SGSM3: variants seen among roughly 807,000 people sequenced by gnomAD.
SGSM3 encodes RUN and SH3 containing 3.
In SGSM3, 96 loss-of-function variants were observed where a neutral mutation model predicts 100.5. That is an observed-to-expected ratio of 0.96 (90% CI 0.81 to 1.13). The LOEUF (loss-of-function observed/expected upper bound fraction) is 1.13. Ranked by LOEUF, SGSM3 falls within the 50% of genes most tolerant of loss-of-function variation. The pLI, the probability that SGSM3 is intolerant of heterozygous loss-of-function variation, is 0.00. For synonymous variants in SGSM3, 483 were observed against 422.8 expected, an observed-to-expected ratio of 1.14 and a Z score of -1.75; for missense variants, 1,001 against 1,015.8, an observed-to-expected ratio of 0.99 and a Z score of 0.20.
intron 1 of SGSM3, among the ~76,000 whole-genome samples, chr22:40,380,639 A>G (rs1237844902): frequency 2.0e-5 from 3 of 152,142 alleles, no homozygotes; most frequent in East Asian, 3.9e-4. Flanking sequence ...TGCCCAGCCT[A>G]TAACTTTATA....
rs955693202 is a variant in SGSM3 at position 40,407,926 on chromosome 22, A to G, written c.1579+83A>G. ...ACTTGGGTGACCCTGGCCGCCACCA[A>G]GCTGTTCTCCTCTATACACCTGCCT... is the stretch of plus-strand genomic sequence containing the variant. On this transcript the variant is annotated intron_variant, in intron 14 of 21. Transcript: ENST00000248929. The surrounding 1 kb of genome is among the most constrained non-coding windows in gnomAD (Gnocchi z 4.7). 3 of 1,488,366 alleles carry G rather than the reference A, an allele frequency of 2.0e-6. No individual in the cohort carries two copies. Among genetic ancestry groups the G allele is most frequent in the Admixed American group, 3.6e-5 (2 of 55,944 alleles). The allele number at this position is 1,488,366 out of a possible 1,614,324, so 92.2% of individuals were successfully genotyped here.
chr22:40,409,243 TC>T lies in SGSM3; in HGVS notation c.1989-3del. On this transcript the variant is annotated splice_region_variant and splice_polypyrimidine_tract_variant and intron_variant, in intron 19 of 21. Coordinates refer to ENST00000248929, the MANE Select transcript of SGSM3 (RefSeq NM_015705.6). ...CCCCTGCTCCCCACTCCTGGCCATG[TC>T]CCCAGTGAGCAGGTGCTGCACCTGT... 1 of 1,598,126 alleles carries T rather than the reference TC, an allele frequency of 6.3e-7. No homozygotes were observed.
intron 1 of SGSM3, chr22:40,376,280 T>C (rs930100837): frequency 8.2e-5 from 12 of 145,724 alleles, no homozygotes; most frequent in African/African-American, 3.0e-4. Context: ...GCTGCTTGCT[T>C]CCTTGCTTGT....
chr22:40,400,201 A>T (rs1421590169), intron 1 of SGSM3, among the ~76,000 whole-genome samples: 6 of 152,234 alleles, frequency 3.9e-5, no homozygotes, highest in African/African-American at 1.4e-4. Context: ...TGGCAAAAGT[A>T]AATTTTTCTT....
Position 40,407,020 on chromosome 22 carries a change from G to A in SGSM3, c.1189G>A (p.Val397Ile). 1.3e-6 allele frequency: 2 copies of A among 1,573,412 alleles called. No homozygotes were observed. The highest frequency in any genetic ancestry group is 1.2e-5 in the South Asian group (1 of 85,824). The change falls in exon 11 of 22, where the codon GTT (valine) becomes ATT (isoleucine). Residue 397 changes from valine (V) to isoleucine (I), a missense_variant. Coordinates refer to ENST00000248929, the MANE Select transcript of SGSM3 (RefSeq NM_015705.6). This position sits in a 1 kb window ranked among gnomAD's most constrained non-coding sequence, Gnocchi z 4.7. ...TGACCCACTCCTCTTGGTGCAGGTT[G>A]TTCGCCGCAGGACCCAGCGGAGGAA... ...AGTLTNLSQV[V>I]RRRTQRRKST...
At chr22:40,381,922 T>C (rs1408892317) in intron 1 of SGSM3, among the ~76,000 whole-genome samples, 1 of 152,210 alleles carries the variant, frequency 6.6e-6, no homozygotes, top group African/African-American at 2.4e-5. Context: ...TTCGCGCCAC[T>C]GCACTCCAGC....
In SGSM3 at chr22:40,408,297, C is replaced by T. The variant is rs1455169629; in HGVS notation, c.1650C>T (p.Asp550=). Residue 550 remains aspartate (D), a synonymous_variant, in exon 16 of 22, where the codon GAC becomes GAT. Coordinates refer to ENST00000248929, the MANE Select transcript of SGSM3 (RefSeq NM_015705.6). ...RSKEYSIAGD[D]SVTEGVTDLV... ...ATCAGTACTCCATCGCGGGGGATGA[C>T]TCGGTGACGGAGGGGGTCACAGACC... The T allele has an allele frequency of 3.1e-6, 5 of 1,613,628 alleles. No individual in the cohort carries two copies. Among genetic ancestry groups the T allele is most frequent in the Non-Finnish European group, 3.4e-6 (4 of 1,179,994 alleles).
chr22:40,402,083 C>A, intron 3 of SGSM3, 56 bp from the exon 4 acceptor site: 1 of 1,356,680 alleles, frequency 7.4e-7, no homozygotes, highest in Non-Finnish European at 1.1e-6. Flanking sequence ...ATCTTTCAGA[C>A]CTGAGGCCCC....
At chr22:40,386,572 T>C (rs1010453246) in intron 1 of SGSM3, among the ~76,000 whole-genome samples, 1 of 146,648 alleles carries the variant, frequency 6.8e-6, no homozygotes, top group African/African-American at 2.5e-5. Flanking sequence ...CTTTTTTTTT[T>C]TTTTTTTTTT....
chr22:40,389,327 C>T (rs1451706050), intron 1 of SGSM3, among the ~76,000 whole-genome samples: 2 of 152,004 alleles, frequency 1.3e-5, no homozygotes, highest in Non-Finnish European at 2.9e-5. Context: ...AGGCCGGGCG[C>T]GGTGGCTCAC....
chr22:40,405,341 A>G, intron 7 of SGSM3, 57 bp downstream of exon 7: 1 of 1,415,360 alleles, frequency 7.1e-7, no homozygotes. Flanking sequence ...CAGGACCCTA[A>G]CAAGGAGTGG....
In SGSM3 at chr22:40,410,118, T is replaced by TCA. The variant is rs1290094456; in HGVS notation, c.*359_*360insCA. The TCA allele has an allele frequency of 3.5e-6, 4 of 1,150,508 alleles. No individual in the cohort carries two copies. The highest frequency in any genetic ancestry group is 1.6e-5 in the African/African-American group (1 of 62,348). The allele number at this position is 1,150,508 out of a possible 1,614,324, so 71.3% of individuals were successfully genotyped here. Reference sequence around the variant, plus strand: ...GTCTGTCTTTGAGAAAGCACCTACCTGTCTTCTGTGCAGCTAGGGCTGCAG... The same window carrying TCA: ...GTCTGTCTTTGAGAAAGCACCTACCTCAGTCTTCTGTGCAGCTAGGGCTGCAG... On this transcript the variant is annotated 3_prime_UTR_variant, in exon 22 of 22. Transcript: ENST00000248929.
In SGSM3 at chr22:40,405,639, C is replaced by A; in HGVS notation, c.619-10C>A. ...TGGGTAGAAGGCCCTTGTCCCTGTGCCCTGGCCAGGTGGCCGCCTGCCTCC... is the reference window on the plus strand; with the variant it reads ...TGGGTAGAAGGCCCTTGTCCCTGTGACCTGGCCAGGTGGCCGCCTGCCTCC... On this transcript the variant is annotated splice_polypyrimidine_tract_variant and intron_variant, in intron 7 of 21. Coordinates refer to ENST00000248929, the MANE Select transcript of SGSM3 (RefSeq NM_015705.6). The A allele has an allele frequency of 6.2e-7, 1 of 1,609,876 alleles. No homozygotes were observed. Among genetic ancestry groups the A allele is most frequent in the Non-Finnish European group, 8.5e-7 (1 of 1,177,734 alleles).
rs1353722912 is a variant in SGSM3 at position 40,408,262 on chromosome 22, C to T, written c.1630-15C>T. ...GCGTCAGGCAGGGCTTTCTCAGACC[C>T]ATCCCTCCCATCAGTACTCCATCGC... On this transcript the variant is annotated splice_polypyrimidine_tract_variant and intron_variant, in intron 15 of 21. Transcript: ENST00000248929. 2 of 1,612,810 alleles carry T rather than the reference C, an allele frequency of 1.2e-6. No individual in the cohort carries two copies. The highest frequency in any genetic ancestry group is 2.7e-5 in the African/African-American group (2 of 74,884).
chr22:40,394,750 T>C (rs1251206131), intron 1 of SGSM3, among the ~76,000 whole-genome samples: 1 of 151,548 alleles, frequency 6.6e-6, no homozygotes, highest in Non-Finnish European at 1.5e-5. Context: ...ACTTTCCCCC[T>C]CATCACTACT....
At position 40,407,897 on chromosome 22, in the gene SGSM3, G is replaced by A; in HGVS notation, c.1579+54G>A. The A allele has an allele frequency of 1.3e-6, 2 of 1,543,174 alleles. No homozygotes were observed. Among genetic ancestry groups the A allele is most frequent in the South Asian group, 2.4e-5 (2 of 85,044 alleles). ...GGAGAGGGAGGAGGGGGTGGGCACA[G>A]AAGACTTGGGTGACCCTGGCCGCCA... On this transcript the variant is annotated intron_variant, in intron 14 of 21. Transcript: ENST00000248929. This position sits in a 1 kb window ranked among gnomAD's most constrained non-coding sequence, Gnocchi z 4.7.
chr22:40,388,898 G>A (rs2048895446), intron 1 of SGSM3, among the ~76,000 whole-genome samples: 1 of 152,152 alleles, frequency 6.6e-6, no homozygotes, highest in African/African-American at 2.4e-5. Context: ...CCACTGAAGG[G>A]GAGGACCAGG....
chr22:40,385,885 C>T (rs2048334283), intron 1 of SGSM3, among the ~76,000 whole-genome samples: 1 of 152,108 alleles, frequency 6.6e-6, no homozygotes, highest in Non-Finnish European at 1.5e-5. Flanking sequence ...GGGTCTCACT[C>T]TGGTTGCCCA....
At position 40,404,244 on chromosome 22, in the gene SGSM3, C is replaced by G. The variant is rs751696304; in HGVS notation, c.158-3C>G. ...TCTTTCCTCCTTGGCTCTCTCTTGGCAGAAGGTGATGAGCCTGGCTCCAGT... is the reference window on the plus strand; with the variant it reads ...TCTTTCCTCCTTGGCTCTCTCTTGGGAGAAGGTGATGAGCCTGGCTCCAGT... On this transcript the variant is annotated splice_polypyrimidine_tract_variant and splice_region_variant and intron_variant, in intron 4 of 21. Transcript: ENST00000248929. The G allele has an allele frequency of 3.8e-5, 58 of 1,509,014 alleles. No individual in the cohort carries two copies. The highest frequency in any genetic ancestry group is 5.1e-5 in the Non-Finnish European group (57 of 1,128,546). The allele number at this position is 1,509,014 out of a possible 1,614,324, so 93.5% of individuals were successfully genotyped here.
Sources: gnomAD v4.1 joint callset for allele counts (sites outside exome capture counted in the v4.1 genomes callset) on GRCh38, gnomAD v4.1.1 for gene constraint, Gnocchi (gnomAD v3.1) non-coding constraint, MANE v1.5 for transcripts, NCBI Gene and HGNC (gene_info 2026-07-23, HGNC 2026-07-21) for gene names.